The following PSMD12 variants were observed in gnomAD, a reference collection of about 807,000 sequenced individuals.
The protein encoded by PSMD12 is 26S proteasome non-ATPase regulatory subunit 12.
Under a neutral mutation model 62.9 loss-of-function variants are expected in PSMD12, and 8 were observed. That is an observed-to-expected ratio of 0.13 (90% CI 0.07 to 0.23). The LOEUF (loss-of-function observed/expected upper bound fraction) is 0.23, where lower values mean the gene tolerates loss of function less well. Ranked by LOEUF, PSMD12 falls within the 10% of genes least tolerant of loss-of-function variation. PSMD12 has a pLI of 1.00. For synonymous variants in PSMD12, 173 were observed against 187.4 expected, an observed-to-expected ratio of 0.92 and a Z score of 0.63; for missense variants, 424 against 550.2, an observed-to-expected ratio of 0.77 and a Z score of 2.29.
chr17:67,353,605 C>T (rs1237998236), intron 3 of PSMD12, among the ~76,000 whole-genome samples: 1 of 152,022 alleles, frequency 6.6e-6, no homozygotes, highest in Non-Finnish European at 1.5e-5. Context: ...CCATGCCCAG[C>T]CAAAAAGTTT....
chr17:67,356,557 C>CAAAAAAAAAAAAAAAA (rs35353017), intron 3 of PSMD12, among the ~76,000 whole-genome samples: 12 of 14,994 alleles, frequency 8.0e-4, no homozygotes, highest in Admixed American at 1.6e-3. Flanking sequence ...GACTCCGTCT[C>CAAAAAAAAAAAAAAAA]AAAAAAAAAA....
rs2041899189 is a variant in PSMD12, at chr17:67,340,197, T to C, written c.*646A>G. The C allele has an allele frequency of 7.1e-6, 1 of 141,282 alleles. No homozygotes were observed. The highest frequency in any genetic ancestry group is 7.5e-5 in the Admixed American group (1 of 13,338). 8.8% of individuals were successfully genotyped at this position (141,282 alleles called of 1,614,324 possible). Reference sequence around the variant, plus strand: ...TGATTCTGTTGAACAACTGATCAAGTGAGAGGATGAGGGCTGAAAGCAATC... The same window carrying C: ...TGATTCTGTTGAACAACTGATCAAGCGAGAGGATGAGGGCTGAAAGCAATC... On this transcript the variant is annotated 3_prime_UTR_variant, in exon 11 of 11. Coordinates refer to ENST00000356126, the MANE Select transcript of PSMD12 (RefSeq NM_002816.5).
At chr17:67,364,346 G>C (rs1312139324) in intron 1 of PSMD12, among the ~76,000 whole-genome samples, 4 of 152,172 alleles carry the variant, frequency 2.6e-5, no homozygotes, top group South Asian at 2.1e-4. Context: ...ATTGGAGTTT[G>C]CAAGTTTTTC....
At chr17:67,353,000 G>C (rs1026629771) in intron 3 of PSMD12, among the ~76,000 whole-genome samples, 2 of 152,184 alleles carry the variant, frequency 1.3e-5, no homozygotes, top group African/African-American at 4.8e-5. Flanking sequence ...CAAGGAAAAA[G>C]CATAGTGGAT....
intron 4 of PSMD12, among the ~76,000 whole-genome samples, chr17:67,349,543 T>C (rs1206431269): frequency 1.3e-5 from 2 of 152,198 alleles, no homozygotes; most frequent in East Asian, 1.9e-4. Flanking sequence ...ACAAGCTACA[T>C]AAACGGCACA....
intron 8 of PSMD12, 139 bp downstream of exon 8, chr17:67,345,606 C>CAT (rs2041957523): frequency 4.4e-6 from 3 of 679,220 alleles, no homozygotes; most frequent in Middle Eastern, 4.2e-4. Flanking sequence ...TACACCATTA[C>CAT]ACTCCAGTGT....
chr17:67,366,271 C>T, intron 1 of PSMD12, 141 bp downstream of exon 1: 1 of 785,704 alleles, frequency 1.3e-6, no homozygotes, highest in South Asian at 1.8e-5. Flanking sequence ...CCTGGGGTCT[C>T]CCACTCGTGC....
intron 5 of PSMD12, 30 bp from the exon 6 acceptor site, chr17:67,347,515 T>C (rs2143697025): frequency 5.7e-6 from 9 of 1,570,268 alleles, no homozygotes; most frequent in African/African-American, 1.4e-5. Context: ...AATAAGTTTA[T>C]AATACTTTGC....
At chr17:67,364,006 G>A (rs1185007287) in intron 1 of PSMD12, among the ~76,000 whole-genome samples, 3 of 151,968 alleles carry the variant, frequency 2.0e-5, no homozygotes, top group East Asian at 1.9e-4. Context: ...CCAAGACCGC[G>A]CCACTGCACT....
intron 3 of PSMD12, chr17:67,355,342 T>C (rs901410743): frequency 6.6e-6 from 1 of 152,288 alleles, no homozygotes; most frequent in Non-Finnish European, 1.5e-5. Flanking sequence ...TCCACCCACC[T>C]TGGCCTCCCA....
At chr17:67,361,170 A>C (rs2042124680) in intron 1 of PSMD12, 1 of 152,200 alleles carries the variant, frequency 6.6e-6, no homozygotes, top group South Asian at 2.1e-4. Context: ...GCGACTAATG[A>C]GTTTGTTCAA....
At chr17:67,356,966 T>C (rs2042081005) in intron 3 of PSMD12, among the ~76,000 whole-genome samples, 1 of 151,500 alleles carries the variant, frequency 6.6e-6, no homozygotes, top group African/African-American at 2.4e-5. Flanking sequence ...GTTGTAATCA[T>C]ACCACTGCAC....
In PSMD12 at chr17:67,350,274, G is replaced by A. The variant is rs376420879; in HGVS notation, c.360C>T (p.Ile120=). The A allele has an allele frequency of 6.2e-7, 1 of 1,613,250 alleles. No individual in the cohort carries two copies. The highest frequency in any genetic ancestry group is 2.2e-5 in the East Asian group (1 of 44,808). The part of the protein sequence containing the change: ...TYVEEITDLP[I]KLRLIDTLRM... ...GTAGAGTATCAATTAATCGAAGTTT[G>A]ATAGGAAGGTCTGTGATTTCCTCAA... The change falls in exon 4 of 11, where the codon ATC becomes ATT. Residue 120 remains isoleucine (I), a synonymous_variant. Transcript: ENST00000356126.
chr17:67,356,557 CAAAAAAAAAAAAAA>C (rs35353017), intron 3 of PSMD12, among the ~76,000 whole-genome samples: 7 of 14,994 alleles, frequency 4.7e-4, no homozygotes, highest in South Asian at 5.3e-3. Flanking sequence ...GACTCCGTCT[CAAAAAAAAAAAAAA>C]AAAAAAAAAA....
chr17:67,346,976 T>C, intron 7 of PSMD12, 140 bp downstream of exon 7: 2 of 880,324 alleles, frequency 2.3e-6, no homozygotes, highest in Non-Finnish European at 3.3e-6. Context: ...ACTGAATCAG[T>C]AATATACTGA....
intron 8 of PSMD12, 122 bp from the exon 9 acceptor site, chr17:67,344,902 G>C (rs1041675920): frequency 2.6e-6 from 2 of 777,934 alleles, no homozygotes; most frequent in Non-Finnish European, 3.9e-6. Flanking sequence ...AGTAGAATGA[G>C]ACACCATATG....
In PSMD12 at chr17:67,339,009, CAT is replaced by C. The variant is rs1272091936; in HGVS notation, c.*1832_*1833del. On this transcript the variant is annotated 3_prime_UTR_variant, in exon 11 of 11. Transcript: ENST00000356126. ...TTCAAATTAGCTCCAATTTTATTTA[CAT>C]GTTAACAATACACAATTTTATCTTC... 2 of 152,128 alleles carry C rather than the reference CAT, an allele frequency of 1.3e-5. No individual in the cohort carries two copies. Among genetic ancestry groups the C allele is most frequent in the African/African-American group, 4.8e-5 (2 of 41,418 alleles). 9.4% of individuals were successfully genotyped at this position (152,128 alleles called of 1,614,324 possible). A position where few individuals can be genotyped will look rare whatever the true frequency, so the allele number is the denominator to read the frequency against.
chr17:67,363,963 C>T (rs942836629), intron 1 of PSMD12, among the ~76,000 whole-genome samples: 3 of 152,186 alleles, frequency 2.0e-5, no homozygotes, highest in South Asian at 2.1e-4. Context: ...GCACGAGAAT[C>T]GCTTGAAACC....
At chr17:67,357,849 T>G (rs562506931) in intron 1 of PSMD12, among the ~76,000 whole-genome samples, 3 of 152,300 alleles carry the variant, frequency 2.0e-5, no homozygotes, top group Admixed American at 2.0e-4. Flanking sequence ...AACAATCATG[T>G]AACACCTAAG....
Sources: allele counts gnomAD v4.1 joint callset (sites outside exome capture counted in the v4.1 genomes callset), GRCh38; gene constraint gnomAD v4.1.1; transcripts MANE v1.5; gene names NCBI Gene and HGNC (gene_info 2026-07-23, HGNC 2026-07-21).